The following SLC6A11 variants were observed in gnomAD, a reference collection of about 807,000 sequenced individuals.
SLC6A11 encodes solute carrier family 6 member 11.
SLC6A11 carries 25 observed loss-of-function variants against 74.8 expected under a neutral mutation model. The ratio of observed to expected loss-of-function variants is 0.33; its 90% CI spans 0.24 to 0.47. The LOEUF is 0.47. Ranked by LOEUF, SLC6A11 falls within the 20% of genes least tolerant of loss-of-function variation. The pLI, the probability that SLC6A11 is intolerant of heterozygous loss-of-function variation, is 1.00. For synonymous variants in SLC6A11, 330 were observed against 330.2 expected (o/e 1.00, Z 0.01); for missense variants, 574 against 837.0 (o/e 0.69, Z 3.88).
At chr3:10,847,682 G>A (rs1259230482) in intron 5 of SLC6A11, among the ~76,000 whole-genome samples, 2 of 152,186 alleles carry the variant, frequency 1.3e-5, no homozygotes, top group Admixed American at 6.5e-5. Context: ...ATGAGGTTCT[G>A]TGGGGGCACA....
rs778356097 is a variant in SLC6A11, at chr3:10,938,338, G to A, written c.1835G>A (p.Cys612Tyr). 2.5e-6 allele frequency: 4 copies of A among 1,613,110 alleles called. No homozygotes were observed. The South Asian group carries it at 3.3e-5, about 13-fold the overall frequency. The change falls in exon 14 of 14, where the codon TGT becomes TAT. Residue 612 changes from cysteine to tyrosine, a missense_variant. Cys to Tyr is a radical substitution (Grantham distance 194, BLOSUM62 -2). This residue lies in a region of SLC6A11 where 257 missense variants were observed against 341.5 expected (regional missense o/e 0.75). Transcript: ENST00000254488. ...CCACGGATGGTGACAGTTAATGACT[G>A]TGATGCCAAACTCAAGAGTGACGGG... ...VSPRMVTVND[C>Y]DAKLKSDGTI...
At chr3:10,854,638 G>A (rs566785338) in intron 5 of SLC6A11, among the ~76,000 whole-genome samples, 1 of 152,280 alleles carries the variant, frequency 6.6e-6, no homozygotes, top group South Asian at 2.1e-4. Context: ...AAGGCAGAGA[G>A]AGACTAAGGA....
At chr3:10,905,773 T>C (rs1695294900) in intron 6 of SLC6A11, among the ~76,000 whole-genome samples, 1 of 152,176 alleles carries the variant, frequency 6.6e-6, no homozygotes, top group Non-Finnish European at 1.5e-5. Context: ...ATCCCATGGT[T>C]CTTCATGGGA....
intron 5 of SLC6A11, among the ~76,000 whole-genome samples, chr3:10,867,043 G>T (rs1052871817): frequency 6.6e-6 from 1 of 152,236 alleles, no homozygotes; most frequent in Non-Finnish European, 1.5e-5. Context: ...TGATTGTCTA[G>T]GGATTGGATG....
chr3:10,899,590 T>C (rs1172182174), intron 6 of SLC6A11, among the ~76,000 whole-genome samples: 2 of 152,252 alleles, frequency 1.3e-5, no homozygotes, highest in African/African-American at 4.8e-5. Flanking sequence ...GCATTTCTGC[T>C]GGGCAGCTTC....
At chr3:10,924,343 A>G (rs987862782) in intron 8 of SLC6A11, among the ~76,000 whole-genome samples, 10 of 152,224 alleles carry the variant, frequency 6.6e-5, no homozygotes, top group Non-Finnish European at 1.0e-4. Context: ...AACAAGAAAA[A>G]TAATTAGAGG....
intron 5 of SLC6A11, among the ~76,000 whole-genome samples, chr3:10,868,448 G>A (rs991928859): frequency 6.6e-6 from 1 of 152,252 alleles, no homozygotes; most frequent in Non-Finnish European, 1.5e-5. Context: ...TGAGCAATTA[G>A]CGTCAATTAA....
intron 5 of SLC6A11, among the ~76,000 whole-genome samples, chr3:10,862,484 T>C (rs1455370155): frequency 3.3e-5 from 5 of 152,178 alleles, no homozygotes; most frequent in Admixed American, 3.3e-4. Context: ...TGGACAGGGA[T>C]TTAAATTGGG....
intron 9 of SLC6A11, among the ~76,000 whole-genome samples, chr3:10,928,538 T>G (rs1440739028): frequency 6.6e-6 from 1 of 152,132 alleles, no homozygotes; most frequent in African/African-American, 2.4e-5. Flanking sequence ...ACCTTGTACC[T>G]GGCCCTGTGC....
At chr3:10,921,757 A>T (rs1004903244) in intron 8 of SLC6A11, among the ~76,000 whole-genome samples, 1 of 152,202 alleles carries the variant, frequency 6.6e-6, no homozygotes, top group African/African-American at 2.4e-5. Context: ...CACTTTGAAG[A>T]CACAGATAAA....
At chr3:10,914,545 C>T (rs1695430444) in intron 7 of SLC6A11, among the ~76,000 whole-genome samples, 1 of 152,070 alleles carries the variant, frequency 6.6e-6, no homozygotes. Context: ...CATCAGGCCG[C>T]CGTGAGTTCT....
At chr3:10,892,111 G>C (rs1038614634) in intron 6 of SLC6A11, among the ~76,000 whole-genome samples, 2 of 152,236 alleles carry the variant, frequency 1.3e-5, no homozygotes, top group African/African-American at 4.8e-5. Flanking sequence ...AATTTCTTTT[G>C]TGAGCAGCAA....
intron 6 of SLC6A11, among the ~76,000 whole-genome samples, chr3:10,888,830 C>T (rs537286371): frequency 6.6e-6 from 1 of 152,284 alleles, no homozygotes; most frequent in Admixed American, 6.5e-5. Context: ...GTTTATTCAT[C>T]CACCAAATAT....
rs929392394 is a variant in SLC6A11 at position 10,816,343 on chromosome 3, C to T, written c.78C>T (p.Gly26=). The T allele has an allele frequency of 5.6e-6, 8 of 1,427,298 alleles. No homozygotes were observed. In the African/African-American group the frequency reaches 6.1e-5, roughly 11 times the overall value. The allele number at this position is 1,427,298 out of a possible 1,614,324, so 88.4% of individuals were successfully genotyped here. A position where few individuals can be genotyped will look rare whatever the true frequency, so the allele number is the denominator to read the frequency against. ...EEARESEAPG[G]GCSSGGAAPA... ...CGCGGGAGTCCGAGGCGCCGGGTGG[C>T]GGCTGCAGCAGCGGGGGCGCGGCGC... The change falls in exon 1 of 14, where the codon GGC becomes GGT. Residue 26 remains glycine, a synonymous_variant. Coordinates refer to ENST00000254488, the MANE Select transcript of SLC6A11 (RefSeq NM_014229.3). This position sits in a 1 kb window ranked among gnomAD's most constrained non-coding sequence, Gnocchi z 4.2.
At chr3:10,823,624 A>T (rs1575665038) in intron 4 of SLC6A11, 4 of 488,646 alleles carry the variant, frequency 8.2e-6, no homozygotes, top group Middle Eastern at 5.7e-4. Flanking sequence ...GTCAGCATGC[A>T]TAGTGGGTTA....
At chr3:10,912,574 C>T (rs911391409) in intron 7 of SLC6A11, among the ~76,000 whole-genome samples, 4 of 152,270 alleles carry the variant, frequency 2.6e-5, no homozygotes, top group African/African-American at 7.2e-5. Context: ...TCCTGCCCTT[C>T]GTACTTGACT....
chr3:10,870,043 C>T (rs532846717), intron 5 of SLC6A11, among the ~76,000 whole-genome samples: 8 of 152,252 alleles, frequency 5.3e-5, no homozygotes, highest in South Asian at 2.1e-4. Flanking sequence ...CCTATTTCTG[C>T]GTCCTTGGCT....
intron 6 of SLC6A11, among the ~76,000 whole-genome samples, chr3:10,911,827 T>C (rs926521570): frequency 3.9e-5 from 6 of 152,190 alleles, no homozygotes; most frequent in African/African-American, 1.2e-4. Context: ...GTCCTAAGCA[T>C]TCAAATTCTT....
intron 6 of SLC6A11, among the ~76,000 whole-genome samples, chr3:10,903,934 A>G (rs1695271735): frequency 6.6e-6 from 1 of 152,218 alleles, no homozygotes; most frequent in African/African-American, 2.4e-5. Flanking sequence ...TCTCCCCCAA[A>G]CATCTAAGAA....
Sources: allele counts gnomAD v4.1 joint callset (sites outside exome capture counted in the v4.1 genomes callset), GRCh38; gene constraint gnomAD v4.1.1; regional missense constraint gnomAD v4.1.1; non-coding constraint Gnocchi (gnomAD v3.1); transcripts MANE v1.5; gene names NCBI Gene and HGNC (gene_info 2026-07-23, HGNC 2026-07-21).